Variants in MGAT4D observed in about 807,000 individuals in gnomAD.
MGAT4D encodes MGAT4 family member D, also known as alpha-1,3-mannosyl-glycoprotein 4-beta-N-acetylglucosaminyltransferase-like protein MGAT4D.
Under a neutral mutation model 15.9 loss-of-function variants are expected in MGAT4D, and 34 were observed. That is an observed-to-expected ratio of 2.14 (90% CI 1.62 to 2.84). The LOEUF is 2.84. Among genes scored for constraint, MGAT4D ranks in the 30% most tolerant of loss-of-function variants. The pLI is 0.00. For synonymous variants in MGAT4D, 112 were observed against 48.2 expected, an observed-to-expected ratio of 2.33 and a Z score of -5.49; for missense variants, 327 against 140.2, an observed-to-expected ratio of 2.33 and a Z score of -6.73.
intron 1 of MGAT4D, among the ~76,000 whole-genome samples, chr4:140,488,769 T>C (rs1178694929): frequency 1.3e-5 from 2 of 152,188 alleles, no homozygotes; most frequent in Non-Finnish European, 2.9e-5. Flanking sequence ...ATTTGAGTCA[T>C]GGGGGAAGAT....
At chr4:140,486,843 A>G (rs1400375809) in intron 1 of MGAT4D, among the ~76,000 whole-genome samples, 3 of 152,182 alleles carry the variant, frequency 2.0e-5, no homozygotes, top group African/African-American at 7.2e-5. Flanking sequence ...CATATTGTAG[A>G]TACTATTTGA....
chr4:140,469,372 T>C (rs577627417), intron 5 of MGAT4D, among the ~76,000 whole-genome samples: 2 of 152,348 alleles, frequency 1.3e-5, no homozygotes, highest in Admixed American at 6.5e-5. Context: ...ATTTATTTAA[T>C]AAGCACAATG....
At chr4:140,456,898 A>G (rs1730844674) in intron 8 of MGAT4D, 179 bp from the exon 9 acceptor site, 1 of 366,960 alleles carries the variant, frequency 2.7e-6, no homozygotes, top group Non-Finnish European at 4.9e-6. Context: ...TTAAGTATTA[A>G]GGATTACCAC....
At chr4:140,479,771 T>C (rs937767170) in intron 2 of MGAT4D, 144 bp from the exon 3 acceptor site, 2 of 294,052 alleles carry the variant, frequency 6.8e-6, no homozygotes, top group Middle Eastern at 9.1e-4. Context: ...ATGTAAATTA[T>C]TAAAATAATA....
intron 1 of MGAT4D, among the ~76,000 whole-genome samples, chr4:140,484,240 ATAGATAT>A (rs1007236903): frequency 1.3e-5 from 2 of 152,200 alleles, no homozygotes; most frequent in African/African-American, 4.8e-5. Flanking sequence ...AAAGATTCAA[ATAGATAT>A]TTGTCAAAAC....
At chr4:140,486,839 G>A (rs1374117095) in intron 1 of MGAT4D, among the ~76,000 whole-genome samples, 1 of 152,128 alleles carries the variant, frequency 6.6e-6, no homozygotes, top group Non-Finnish European at 1.5e-5. Context: ...TATTCATATT[G>A]TAGATACTAT....
At chr4:140,483,276 A>T (rs1429518020) in intron 1 of MGAT4D, among the ~76,000 whole-genome samples, 2 of 152,192 alleles carry the variant, frequency 1.3e-5, no homozygotes, top group Non-Finnish European at 2.9e-5. Context: ...CACACCATTT[A>T]CAATGGCAAC....
In MGAT4D at chr4:140,466,198, TAA is replaced by T. The variant is rs1016547273; in HGVS notation, c.573-1191_573-1190del. ...GCTGGTAGTGAATTTGGATGTGCCGTAAAAGAGCTGATCATGGGAATGTTGAC... is the reference window on the plus strand; with the variant it reads ...GCTGGTAGTGAATTTGGATGTGCCGTAAGAGCTGATCATGGGAATGTTGAC... On this transcript the variant is annotated intron_variant, in intron 5 of 10. Coordinates refer to ENST00000511113, the MANE Select transcript of MGAT4D (RefSeq NM_001277353.2). Among the ~76,000 whole-genome samples the T allele has an allele frequency of 1.5e-4, 23 of 152,234 alleles. 1 individual carries two copies. The highest frequency in any genetic ancestry group is 5.3e-4 in the African/African-American group (22 of 41,542).
Position 140,496,267 on chromosome 4 carries a change from A to G in MGAT4D, c.94+1862T>C, listed in dbSNP as rs188169788. 5.9e-5 allele frequency among the ~76,000 whole-genome samples: 9 copies of G among 152,312 alleles called. No individual in the cohort carries two copies. In the East Asian group the frequency reaches 1.7e-3, roughly 29 times the overall value. On this transcript the variant is annotated intron_variant, in intron 1 of 10. Transcript: ENST00000511113. The stretch of plus-strand genomic sequence containing the variant: ...AGCTCATTATAGGATTGATATCCTA[A>G]TTATTTTAGAGCTAAGTTCCACAGA...
rs1450887732 is a variant in MGAT4D at position 140,479,520 on chromosome 4, C to T, written c.361G>A (p.Asp121Asn). The T allele has an allele frequency of 3.7e-6, 2 of 545,876 alleles. No individual in the cohort carries two copies. Among genetic ancestry groups the T allele is most frequent in the Non-Finnish European group, 6.5e-6 (2 of 309,778 alleles). 33.8% of individuals were successfully genotyped at this position (545,876 alleles called of 1,614,324 possible). A position where few individuals can be genotyped will look rare whatever the true frequency, so the allele number is the denominator to read the frequency against. The change falls in exon 3 of 11, where the codon GAT becomes AAT. Residue 121 changes from aspartate to asparagine, a missense_variant. Transcript: ENST00000511113. ...GTTTTCCCTTTGCCAATGATTACAT[C>T]AGGATAAATTCTACCTTCTTTCCTT... ...HLRKEGRIYP[D>N]VIIGKGKTGV...
chr4:140,498,228 T>C lies in MGAT4D; in HGVS notation c.-6A>G. ...TTCACCTGCTTGGTCCTCATGGCCC[T>C]GGCCAGGCTGCGGGAGGCCGGCGGG... On this transcript the variant is annotated 5_prime_UTR_variant, in exon 1 of 11. Coordinates refer to ENST00000511113, the MANE Select transcript of MGAT4D (RefSeq NM_001277353.2). The C allele has an allele frequency of 1.4e-6, 1 of 701,966 alleles. No homozygotes were observed. The highest frequency in any genetic ancestry group is 2.6e-6 in the Non-Finnish European group (1 of 384,380). The allele number at this position is 701,966 out of a possible 1,614,324, so 43.5% of individuals were successfully genotyped here. A position where few individuals can be genotyped will look rare whatever the true frequency, so the allele number is the denominator to read the frequency against.
intron 7 of MGAT4D, among the ~76,000 whole-genome samples, chr4:140,461,207 T>C (rs1218311759): frequency 6.6e-6 from 1 of 152,198 alleles, no homozygotes; most frequent in Non-Finnish European, 1.5e-5. Flanking sequence ...GTACATTGGC[T>C]GGATCTTGTG....
rs745799999 is a variant in MGAT4D at position 140,498,089 on chromosome 4, C to G, written c.94+40G>C. ...TGCATTCCTGCAGCCCCGAAGCCCC[C>G]GCGGCGGGAAAGGAGGCGGGAGGAG... On this transcript the variant is annotated intron_variant, in intron 1 of 10. Transcript: ENST00000511113. The G allele has an allele frequency of 1.2e-5, 8 of 694,298 alleles. 1 individual carries two copies. The highest frequency in any genetic ancestry group is 1.1e-4 in the South Asian group (7 of 66,492). The allele number at this position is 694,298 out of a possible 1,614,324, so 43.0% of individuals were successfully genotyped here.
chr4:140,460,410 C>G (rs1260271990), intron 7 of MGAT4D, among the ~76,000 whole-genome samples: 1 of 152,196 alleles, frequency 6.6e-6, no homozygotes, highest in African/African-American at 2.4e-5. Flanking sequence ...AAGGGGCTAG[C>G]TAGCTCTCTG....
In MGAT4D at chr4:140,488,820, C is replaced by G. The variant is rs149963836; in HGVS notation, c.95-6335G>C. Among the ~76,000 whole-genome samples, 251 of 152,176 alleles carry G rather than the reference C, an allele frequency of 1.6e-3. 1 individual carries two copies. Among genetic ancestry groups the G allele is most frequent in the African/African-American group, 5.9e-3 (244 of 41,518 alleles). ...GGTGCTATCCTCATGATAGTGAGTTCTCTTGGGATCTGGTTAAGTGTGTGG... is the reference window on the plus strand; with the variant it reads ...GGTGCTATCCTCATGATAGTGAGTTGTCTTGGGATCTGGTTAAGTGTGTGG... On this transcript the variant is annotated intron_variant, in intron 1 of 10. Transcript: ENST00000511113.
At chr4:140,477,791 C>T (rs903078905) in intron 3 of MGAT4D, among the ~76,000 whole-genome samples, 1 of 152,320 alleles carries the variant, frequency 6.6e-6, no homozygotes, top group African/African-American at 2.4e-5. Flanking sequence ...ATGAATTTTA[C>T]TAACATATCT....
At chr4:140,478,357 T>C (rs1026074388) in intron 3 of MGAT4D, among the ~76,000 whole-genome samples, 1 of 152,242 alleles carries the variant, frequency 6.6e-6, no homozygotes, top group African/African-American at 2.4e-5. Flanking sequence ...GTTATGTTTA[T>C]TCTTGGTGTC....
intron 5 of MGAT4D, among the ~76,000 whole-genome samples, chr4:140,470,361 T>G (rs1170155486): frequency 6.6e-6 from 1 of 152,222 alleles, no homozygotes; most frequent in African/African-American, 2.4e-5. Flanking sequence ...TGGAATTGTT[T>G]TGACTAGAAC....
chr4:140,469,267 T>A, intron 5 of MGAT4D, among the ~76,000 whole-genome samples: 1 of 152,234 alleles, frequency 6.6e-6, no homozygotes, highest in Non-Finnish European at 1.5e-5. Flanking sequence ...GTTTGTTTCA[T>A]CTACGCAGCT....
Sources: gnomAD v4.1 joint callset for allele counts (sites outside exome capture counted in the v4.1 genomes callset) on GRCh38, gnomAD v4.1.1 for gene constraint, MANE v1.5 for transcripts, NCBI Gene and HGNC (gene_info 2026-07-23, HGNC 2026-07-21) for gene names.